Variants in SDK1 observed in about 807,000 individuals in gnomAD.
SDK1 encodes the protein protein sidekick-1.
SDK1 carries 157 observed loss-of-function variants against 245.5 expected under a neutral mutation model. That is an observed-to-expected ratio of 0.64 (90% confidence interval 0.56 to 0.73). The LOEUF (loss-of-function observed/expected upper bound fraction) is 0.73. Ranked by LOEUF, SDK1 falls within the 30% of genes least tolerant of loss-of-function variation. The pLI, the probability that SDK1 is intolerant of heterozygous loss-of-function variation, is 0.00. For missense variants in SDK1, 3,583 were observed against 3,002.3 expected (o/e 1.19, Z -4.52); for synonymous variants, 1,647 against 1,278.5 (o/e 1.29, Z -6.15).
chr7:3,936,509 C>A (rs968883527), intron 5 of SDK1, among the ~76,000 whole-genome samples: 6 of 151,278 alleles, frequency 4.0e-5, no homozygotes, highest in Non-Finnish European at 8.8e-5. Flanking sequence ...CACGTGAACC[C>A]GTGAGGTGGA....
intron 4 of SDK1, among the ~76,000 whole-genome samples, chr7:3,795,971 T>C (rs979734026): frequency 1.3e-5 from 2 of 152,176 alleles, no homozygotes; most frequent in African/African-American, 4.8e-5. Flanking sequence ...ATGAGAGTGC[T>C]AAGAAATAGA....
intron 1 of SDK1, among the ~76,000 whole-genome samples, chr7:3,419,349 G>A (rs1006873908): frequency 1.3e-5 from 2 of 152,144 alleles, no homozygotes; most frequent in Admixed American, 1.3e-4. Context: ...GATAAAGTCA[G>A]TAATTAGGAT....
At chr7:3,349,242 G>A (rs1193093448) in intron 1 of SDK1, among the ~76,000 whole-genome samples, 3 of 152,142 alleles carry the variant, frequency 2.0e-5, no homozygotes, top group Non-Finnish European at 4.4e-5. Flanking sequence ...AGCCTATTTA[G>A]ATGTATACCT....
intron 1 of SDK1, among the ~76,000 whole-genome samples, chr7:3,309,174 T>C (rs958926256): frequency 2.6e-5 from 4 of 152,162 alleles, no homozygotes; most frequent in African/African-American, 9.7e-5. Flanking sequence ...TTTGTGAGCC[T>C]GTTTTCAAAG....
At position 4,092,447 on chromosome 7, in the gene SDK1, C is replaced by T. The variant is rs551822903; in HGVS notation, c.3324+12863C>T. On this transcript the variant is annotated intron_variant, in intron 22 of 44. Coordinates refer to ENST00000404826, the MANE Select transcript of SDK1 (RefSeq NM_152744.4). The stretch of plus-strand genomic sequence containing the variant: ...CCCAGCTGTCCTAAACTCCAGGCAG[C>T]GGGGCCCTTGAGGCTGTGACTAGTA... Among the ~76,000 whole-genome samples, 63 of 152,262 alleles carry T rather than the reference C, an allele frequency of 4.1e-4. 1 individual carries two copies. The highest frequency in any genetic ancestry group is 1.5e-3 in the African/African-American group (62 of 41,554).
At chr7:3,539,646 T>C (rs868814255) in intron 1 of SDK1, among the ~76,000 whole-genome samples, 2 of 152,196 alleles carry the variant, frequency 1.3e-5, no homozygotes, top group South Asian at 4.1e-4. Flanking sequence ...TCGTGATGTG[T>C]AATAGGTGCT....
chr7:4,219,995 A>C, intron 38 of SDK1, 114 bp from the exon 39 acceptor site: 1 of 1,267,230 alleles, frequency 7.9e-7, no homozygotes, highest in Non-Finnish European at 1.1e-6. Flanking sequence ...AGTAAGAAAT[A>C]CTTCCTTAGC....
chr7:3,411,323 G>A (rs1779193167), intron 1 of SDK1, among the ~76,000 whole-genome samples: 1 of 152,212 alleles, frequency 6.6e-6, no homozygotes. Flanking sequence ...GGCAGTTGGA[G>A]TCACATTTTG....
At chr7:4,099,220 A>G (rs561970306) in intron 22 of SDK1, among the ~76,000 whole-genome samples, 2 of 151,820 alleles carry the variant, frequency 1.3e-5, no homozygotes, top group African/African-American at 4.8e-5. Flanking sequence ...CTGTCGTTTT[A>G]AAGTATAGAT....
chr7:3,574,079 C>G (rs763613906), intron 1 of SDK1, among the ~76,000 whole-genome samples: 11 of 151,464 alleles, frequency 7.3e-5, no homozygotes, highest in Admixed American at 5.9e-4. Context: ...GCCTCTGCAG[C>G]TATCCTTCCT....
chr7:4,175,854 G>A lies in SDK1; in HGVS notation c.4996+20G>A, dbSNP rs748282211. ...TAACACGTAAGTGCGCTCTCAGCGG[G>A]AGGCCCATGCCGCGAGGCGCACACA... is the stretch of plus-strand genomic sequence containing the variant. On this transcript the variant is annotated intron_variant, in intron 34 of 44. Coordinates refer to ENST00000404826, the MANE Select transcript of SDK1 (RefSeq NM_152744.4). 18 of 1,608,110 alleles carry A rather than the reference G, an allele frequency of 1.1e-5. No individual in the cohort carries two copies. Among genetic ancestry groups the A allele is most frequent in the Middle Eastern group, 1.6e-4 (1 of 6,066 alleles).
chr7:3,542,221 G>GCTTA (rs1583144987), intron 1 of SDK1, among the ~76,000 whole-genome samples: 1 of 152,260 alleles, frequency 6.6e-6, no homozygotes, highest in East Asian at 1.9e-4. Context: ...GATACACATA[G>GCTTA]CTTAGATGTG....
intron 35 of SDK1, among the ~76,000 whole-genome samples, chr7:4,191,868 G>A (rs369108057): frequency 2.0e-5 from 3 of 152,182 alleles, no homozygotes; most frequent in Admixed American, 2.0e-4. Flanking sequence ...AGGGCCGCGC[G>A]TCACGCACAA....
At chr7:3,560,085 AACCC>A (rs1779701215) in intron 1 of SDK1, among the ~76,000 whole-genome samples, 2 of 152,340 alleles carry the variant, frequency 1.3e-5, no homozygotes, top group South Asian at 2.1e-4. Flanking sequence ...TTATCTTAAT[AACCC>A]ATACAAAATT....
At chr7:3,421,991 A>G (rs374080403) in intron 1 of SDK1, among the ~76,000 whole-genome samples, 3 of 152,196 alleles carry the variant, frequency 2.0e-5, no homozygotes, top group Non-Finnish European at 2.9e-5. Flanking sequence ...AATGTAAAGC[A>G]TAGTTGATGA....
intron 4 of SDK1, among the ~76,000 whole-genome samples, chr7:3,659,014 C>A (rs1447135304): frequency 1.3e-5 from 2 of 152,174 alleles, no homozygotes; most frequent in African/African-American, 4.8e-5. Context: ...TCAGGCCTGG[C>A]AACCACACAT....
chr7:3,777,057 A>G (rs1026660136), intron 4 of SDK1, among the ~76,000 whole-genome samples: 5 of 152,136 alleles, frequency 3.3e-5, no homozygotes, highest in African/African-American at 1.2e-4. Flanking sequence ...AATTGTGATG[A>G]TATTTTTCTC....
At chr7:3,419,776 A>C (rs985949389) in intron 1 of SDK1, among the ~76,000 whole-genome samples, 1 of 152,198 alleles carries the variant, frequency 6.6e-6, no homozygotes, top group Non-Finnish European at 1.5e-5. Flanking sequence ...TGTTCAAGAA[A>C]TGCCCTATGC....
At chr7:3,673,081 C>T (rs1019275694) in intron 4 of SDK1, among the ~76,000 whole-genome samples, 1 of 151,930 alleles carries the variant, frequency 6.6e-6, no homozygotes, top group African/African-American at 2.4e-5. Context: ...GAAGATACTT[C>T]CTTGTAGCAT....
Sources: allele counts gnomAD v4.1 joint callset (sites outside exome capture counted in the v4.1 genomes callset), GRCh38; gene constraint gnomAD v4.1.1; transcripts MANE v1.5; gene names NCBI Gene and HGNC (gene_info 2026-07-23, HGNC 2026-07-21).